The following IMMP2L variants were observed in gnomAD, a reference collection of about 807,000 sequenced individuals.
The protein encoded by IMMP2L is inner mitochondrial membrane peptidase subunit 2.
Under a neutral mutation model 19.3 loss-of-function variants are expected in IMMP2L, and 18 were observed. The observed-to-expected ratio is 0.93, with a 90% CI of 0.64 to 1.38. IMMP2L has a LOEUF of 1.38. Ranked by LOEUF, IMMP2L falls within the 40% of genes most tolerant of loss-of-function variation. The probability of loss-of-function intolerance (pLI) is 0.00; values close to 1 mark genes in which losing one functional copy is unlikely to be tolerated. For synonymous variants in IMMP2L, 76 were observed against 73.0 expected, an observed-to-expected ratio of 1.04 and a Z score of -0.21; for missense variants, 233 against 218.2, an observed-to-expected ratio of 1.07 and a Z score of -0.43.
chr7:111,294,929 A>C (rs1241641124), intron 3 of IMMP2L, among the ~76,000 whole-genome samples: 2 of 151,894 alleles, frequency 1.3e-5, no homozygotes, highest in Non-Finnish European at 2.9e-5. Flanking sequence ...CTTTTCAATA[A>C]CTGAGAAGAA....
At position 111,481,842 on chromosome 7, in the gene IMMP2L, T is replaced by C. The variant is rs1049458201; in HGVS notation, c.239+5396A>G. Among the ~76,000 whole-genome samples the C allele has an allele frequency of 3.9e-5, 6 of 152,278 alleles. No homozygotes were observed. In the South Asian group the frequency reaches 6.2e-4, roughly 16 times the overall value. On this transcript the variant is annotated intron_variant, in intron 3 of 5. Transcript: ENST00000405709. ...AAGATTTAGACGTAGTGTTATCAAA[T>C]AGAAATAAAATGTATGTCACATGTG...
At chr7:111,119,033 A>G (rs2129586833) in intron 3 of IMMP2L, among the ~76,000 whole-genome samples, 1 of 152,330 alleles carries the variant, frequency 6.6e-6, no homozygotes, top group South Asian at 2.1e-4. Context: ...GTGGCATTAT[A>G]TTAAGACTCC....
chr7:110,849,429 A>G (rs183636261), intron 5 of IMMP2L, among the ~76,000 whole-genome samples: 44 of 152,238 alleles, frequency 2.9e-4, no homozygotes, highest in African/African-American at 1.0e-3. Context: ...ATTTGCCCCA[A>G]ATATCACTCA....
intron 3 of IMMP2L, among the ~76,000 whole-genome samples, chr7:111,098,721 C>T (rs1420087648): frequency 6.6e-6 from 1 of 151,652 alleles, no homozygotes; most frequent in Non-Finnish European, 1.5e-5. Context: ...ACCCATTTTA[C>T]CAACGTGAAA....
rs1032160155 is a variant in IMMP2L at position 110,877,459 on chromosome 7, G to A, written c.408+9134C>T. On this transcript the variant is annotated intron_variant, in intron 5 of 5. Coordinates refer to ENST00000405709, the MANE Select transcript of IMMP2L (RefSeq NM_032549.4). This position sits in a 1 kb window ranked among gnomAD's most constrained non-coding sequence, Gnocchi z 4.0. ...GAGTAGTCATTGTCCAGATTAAGGT[G>A]GGCAGGCACAAGATAATGAAAGGGA... 6.6e-6 allele frequency among the ~76,000 whole-genome samples: 1 copy of A among 152,098 alleles called. No individual in the cohort carries two copies. The highest frequency in any genetic ancestry group is 1.5e-5 in the Non-Finnish European group (1 of 68,026).
At chr7:111,054,871 A>G (rs142309624) in intron 3 of IMMP2L, among the ~76,000 whole-genome samples, 2 of 152,324 alleles carry the variant, frequency 1.3e-5, no homozygotes, top group African/African-American at 4.8e-5. Context: ...AGTAAAAGAT[A>G]GAAGAGAATT....
chr7:110,755,877 T>C (rs1274346212), intron 5 of IMMP2L, among the ~76,000 whole-genome samples: 1 of 152,078 alleles, frequency 6.6e-6, no homozygotes, highest in Non-Finnish European at 1.5e-5. Context: ...TTGGTATTTC[T>C]GGAGCAAGAA....
chr7:111,190,620 T>C (rs942213501), intron 3 of IMMP2L, among the ~76,000 whole-genome samples: 1 of 152,120 alleles, frequency 6.6e-6, no homozygotes, highest in Non-Finnish European at 1.5e-5. Flanking sequence ...ATCCATTTAC[T>C]ACAATATGTC....
chr7:110,665,333 GA>G (rs1791369124), intron 5 of IMMP2L, among the ~76,000 whole-genome samples: 1 of 152,080 alleles, frequency 6.6e-6, no homozygotes, highest in Non-Finnish European at 1.5e-5. Context: ...GATAGTTGTT[GA>G]CATCATGCTA....
intron 3 of IMMP2L, among the ~76,000 whole-genome samples, chr7:111,351,926 G>C (rs1828201958): frequency 6.6e-6 from 1 of 152,108 alleles, no homozygotes; most frequent in Admixed American, 6.6e-5. Flanking sequence ...AGCTGAATCT[G>C]ATTTGGTTAC....
chr7:111,075,026 A>G (rs1486958787), intron 3 of IMMP2L, among the ~76,000 whole-genome samples: 3 of 152,010 alleles, frequency 2.0e-5, no homozygotes, highest in Admixed American at 2.0e-4. Flanking sequence ...AAGTGGAGAG[A>G]AGGGCTAGGA....
At chr7:111,336,064 G>A (rs1163533096) in intron 3 of IMMP2L, among the ~76,000 whole-genome samples, 1 of 151,920 alleles carries the variant, frequency 6.6e-6, no homozygotes, top group Non-Finnish European at 1.5e-5. Context: ...TTTTGTTGTT[G>A]TTTGAGAAGG....
chr7:111,320,778 T>C (rs1824603152), intron 3 of IMMP2L, among the ~76,000 whole-genome samples: 1 of 152,038 alleles, frequency 6.6e-6, no homozygotes, highest in African/African-American at 2.4e-5. Flanking sequence ...CTCCAGTTTC[T>C]CCAGGTGACA....
intron 5 of IMMP2L, among the ~76,000 whole-genome samples, chr7:110,740,987 A>C: frequency 6.6e-6 from 1 of 152,120 alleles, no homozygotes; most frequent in East Asian, 1.9e-4. Flanking sequence ...ACTACCAGGT[A>C]TCTACCCAGA....
chr7:111,310,577 C>A (rs182385195), intron 3 of IMMP2L, among the ~76,000 whole-genome samples: 70 of 152,114 alleles, frequency 4.6e-4, no homozygotes, highest in African/African-American at 1.6e-3. Context: ...AAGAAATGTT[C>A]TTTGGTTTAA....
intron 2 of IMMP2L, among the ~76,000 whole-genome samples, chr7:111,502,618 A>G (rs368957135): frequency 6.6e-6 from 1 of 152,050 alleles, no homozygotes. Context: ...ATAACAAACT[A>G]TCTCTCAGAC....
At chr7:110,730,625 G>C (rs529007698) in intron 5 of IMMP2L, among the ~76,000 whole-genome samples, 18 of 151,886 alleles carry the variant, frequency 1.2e-4, no homozygotes, top group Admixed American at 3.9e-4. Context: ...CCCGGGTTCA[G>C]GCCATTCTCC....
chr7:110,863,827 T>C (rs911090157), intron 5 of IMMP2L, among the ~76,000 whole-genome samples: 1 of 152,114 alleles, frequency 6.6e-6, no homozygotes, highest in Admixed American at 6.6e-5. Flanking sequence ...TATTGGGATG[T>C]AACTCCATCA....
intron 3 of IMMP2L, among the ~76,000 whole-genome samples, chr7:111,408,699 T>G (rs1292062463): frequency 2.6e-5 from 4 of 151,734 alleles, no homozygotes; most frequent in Non-Finnish European, 5.9e-5. Flanking sequence ...TATCTACCAA[T>G]AAAACACTCT....
Sources: gnomAD v4.1 joint callset for allele counts (sites outside exome capture counted in the v4.1 genomes callset) on GRCh38, gnomAD v4.1.1 for gene constraint, Gnocchi (gnomAD v3.1) non-coding constraint, MANE v1.5 for transcripts, NCBI Gene and HGNC (gene_info 2026-07-23, HGNC 2026-07-21) for gene names.